Variants in AGBL4 observed in about 807,000 individuals in gnomAD.
AGBL4 encodes cytosolic carboxypeptidase 6.
AGBL4 carries 58 observed loss-of-function variants against 66.4 expected under a neutral mutation model. The ratio of observed to expected loss-of-function variants is 0.87; its 90% CI spans 0.71 to 1.09. The LOEUF is 1.09. Ranked by LOEUF, AGBL4 falls within the 50% of genes least tolerant of loss-of-function variation. AGBL4 has a pLI of 0.00. For synonymous variants in AGBL4, 234 were observed against 222.9 expected, an observed-to-expected ratio of 1.05 and a Z score of -0.44; for missense variants, 579 against 631.0, an observed-to-expected ratio of 0.92 and a Z score of 0.88.
intron 5 of AGBL4, among the ~76,000 whole-genome samples, chr1:48,948,097 T>C (rs1266515123): frequency 6.6e-6 from 1 of 152,022 alleles, no homozygotes; most frequent in East Asian, 1.9e-4. Flanking sequence ...GGAAAACAGG[T>C]CCTTACAGAA....
chr1:48,689,389 C>G lies in AGBL4; in HGVS notation c.635-26148G>C, dbSNP rs563765090. On this transcript the variant is annotated intron_variant, in intron 6 of 13. Coordinates refer to ENST00000371839, the MANE Select transcript of AGBL4 (RefSeq NM_032785.4). ...GGATGACGGTCACCTACCTACCTAC[C>G]TACCTACCTACCTACCTTCCTTCCT... Among the ~76,000 whole-genome samples, 22 of 150,036 alleles carry G rather than the reference C, an allele frequency of 1.5e-4. No homozygotes were observed. In the East Asian group the frequency reaches 2.9e-3, roughly 20 times the overall value.
At chr1:48,740,500 AT>A (rs1229389519) in intron 6 of AGBL4, among the ~76,000 whole-genome samples, 1 of 152,224 alleles carries the variant, frequency 6.6e-6, no homozygotes, top group Admixed American at 6.5e-5. Context: ...AAGAAACACA[AT>A]GCACTTTACC....
chr1:49,831,958 T>C (rs974969894), intron 2 of AGBL4, among the ~76,000 whole-genome samples: 72 of 152,094 alleles, frequency 4.7e-4, no homozygotes, highest in Non-Finnish European at 5.4e-4. Context: ...GGGATGAAGC[T>C]GACTAGATCG....
At chr1:48,862,747 A>G (rs1647607487) in intron 6 of AGBL4, among the ~76,000 whole-genome samples, 1 of 152,182 alleles carries the variant, frequency 6.6e-6, no homozygotes, top group South Asian at 2.1e-4. Context: ...TGGTTACATC[A>G]CTATCCCCAA....
intron 3 of AGBL4, among the ~76,000 whole-genome samples, chr1:49,475,300 G>T (rs1413053908): frequency 6.6e-6 from 1 of 151,962 alleles, no homozygotes; most frequent in Non-Finnish European, 1.5e-5. Flanking sequence ...CTTCATCAGG[G>T]TGAATAAGTT....
intron 3 of AGBL4, among the ~76,000 whole-genome samples, chr1:49,372,341 T>A (rs562911179): frequency 6.6e-6 from 1 of 152,188 alleles, no homozygotes; most frequent in African/African-American, 2.4e-5. Flanking sequence ...TTTTCATCCA[T>A]GTCAGTTCAG....
intron 4 of AGBL4, among the ~76,000 whole-genome samples, chr1:49,215,984 A>G (rs1570099258): frequency 6.6e-6 from 1 of 152,138 alleles, no homozygotes; most frequent in Non-Finnish European, 1.5e-5. Flanking sequence ...ACAGTATAAA[A>G]CATCTGAGAT....
chr1:49,480,073 A>G (rs1192615382), intron 3 of AGBL4, among the ~76,000 whole-genome samples: 1 of 151,986 alleles, frequency 6.6e-6, no homozygotes, highest in Non-Finnish European at 1.5e-5. Flanking sequence ...TGCTCTTGTG[A>G]ATAGTGCTAC....
intron 4 of AGBL4, among the ~76,000 whole-genome samples, chr1:49,222,889 T>C (rs1353169184): frequency 6.6e-6 from 1 of 152,086 alleles, no homozygotes; most frequent in Non-Finnish European, 1.5e-5. Context: ...AGTACAGACA[T>C]GGTGTTTTTT....
At chr1:48,659,965 C>T (rs532767229) in intron 7 of AGBL4, among the ~76,000 whole-genome samples, 1 of 152,302 alleles carries the variant, frequency 6.6e-6, no homozygotes, top group South Asian at 2.1e-4. Context: ...GGAACTGCGG[C>T]ATAAGGAGAT....
At chr1:49,857,641 T>C (rs1269522737) in intron 1 of AGBL4, among the ~76,000 whole-genome samples, 26 of 152,132 alleles carry the variant, frequency 1.7e-4, no homozygotes, top group Non-Finnish European at 4.4e-5. Flanking sequence ...ACAGTCTCTT[T>C]AATAAATGGT....
intron 3 of AGBL4, among the ~76,000 whole-genome samples, chr1:49,323,946 C>A (rs977515165): frequency 6.6e-6 from 1 of 152,162 alleles, no homozygotes; most frequent in Non-Finnish European, 1.5e-5. Flanking sequence ...TTTTCCCTGA[C>A]AGTCTTTGCC....
intron 4 of AGBL4, among the ~76,000 whole-genome samples, chr1:49,176,003 T>C (rs998221381): frequency 2.0e-5 from 3 of 152,164 alleles, no homozygotes; most frequent in African/African-American, 7.2e-5. Flanking sequence ...GCCCATACAA[T>C]TATATACAAT....
At chr1:48,619,904 C>T (rs548186109) in intron 9 of AGBL4, among the ~76,000 whole-genome samples, 6 of 152,150 alleles carry the variant, frequency 3.9e-5, no homozygotes, top group Non-Finnish European at 8.8e-5. Context: ...CTGGAATCGC[C>T]CTTGGGGGAT....
intron 2 of AGBL4, among the ~76,000 whole-genome samples, chr1:49,710,679 T>C (rs967141301): frequency 2.0e-5 from 3 of 151,656 alleles, no homozygotes; most frequent in African/African-American, 7.2e-5. Context: ...AAAGATTTCT[T>C]AGAAAGAACA....
At chr1:48,773,647 A>G (rs995159061) in intron 6 of AGBL4, among the ~76,000 whole-genome samples, 1 of 152,214 alleles carries the variant, frequency 6.6e-6, no homozygotes, top group Non-Finnish European at 1.5e-5. Context: ...ACTCCTTCCA[A>G]ATCATGCTGT....
At chr1:49,950,255 C>T (rs769283019) in intron 1 of AGBL4, among the ~76,000 whole-genome samples, 9 of 150,224 alleles carry the variant, frequency 6.0e-5, no homozygotes, top group Non-Finnish European at 1.0e-4. Flanking sequence ...TTCATGGCAA[C>T]GTGGATAAGA....
intron 3 of AGBL4, among the ~76,000 whole-genome samples, chr1:49,551,814 G>T (rs538219647): frequency 6.6e-6 from 1 of 152,332 alleles, no homozygotes; most frequent in South Asian, 2.1e-4. Context: ...ATCAGCTGTG[G>T]TAGTATAGAG....
chr1:49,027,114 G>A (rs1663760212), intron 5 of AGBL4, among the ~76,000 whole-genome samples: 1 of 152,086 alleles, frequency 6.6e-6, no homozygotes, highest in African/African-American at 2.4e-5. Context: ...GGTGGTAGAA[G>A]GAGCACAGCA....
Sources: allele counts gnomAD v4.1 joint callset (sites outside exome capture counted in the v4.1 genomes callset), GRCh38; gene constraint gnomAD v4.1.1; transcripts MANE v1.5; gene names NCBI Gene and HGNC (gene_info 2026-07-23, HGNC 2026-07-21).